The following RAP1GAP2 variants were observed in gnomAD, a reference collection of about 807,000 sequenced individuals.
The protein encoded by RAP1GAP2 is rap1 GTPase-activating protein 2.
RAP1GAP2 carries 27 observed loss-of-function variants against 95.0 expected under a neutral mutation model. The ratio of observed to expected loss-of-function variants is 0.28; its 90% CI spans 0.21 to 0.39. The LOEUF (loss-of-function observed/expected upper bound fraction) is 0.39, where lower values mean the gene tolerates loss of function less well. Ranked by LOEUF, RAP1GAP2 falls within the 10% of genes least tolerant of loss-of-function variation. The pLI, the probability that RAP1GAP2 is intolerant of heterozygous loss-of-function variation, is 1.00. For missense variants in RAP1GAP2, 771 were observed against 970.0 expected, an observed-to-expected ratio of 0.79 and a Z score of 2.72; for synonymous variants, 373 against 380.9, an observed-to-expected ratio of 0.98 and a Z score of 0.24.
At chr17:2,896,847 G>A (rs1315722422) in intron 2 of RAP1GAP2, among the ~76,000 whole-genome samples, 1 of 152,216 alleles carries the variant, frequency 6.6e-6, no homozygotes, top group Non-Finnish European at 1.5e-5. Context: ...CCCGAGTCTG[G>A]CCCGGGCCTC....
In RAP1GAP2 at chr17:3,004,179, C is replaced by T. The variant is rs1440937310; in HGVS notation, c.1201-1190C>T. ...TGCCTGGTGGGTGGTGGTAGGGAAC[C>T]GGGTTCAGCTGCTGGAGCCCAGCCA... On this transcript the variant is annotated intron_variant, in intron 14 of 24. Coordinates refer to ENST00000254695, the MANE Select transcript of RAP1GAP2 (RefSeq NM_015085.5). The surrounding 1 kb of genome is among the most constrained non-coding windows in gnomAD (Gnocchi z 4.1). Among the ~76,000 whole-genome samples, 1 of 152,172 alleles carries T rather than the reference C, an allele frequency of 6.6e-6. No individual in the cohort carries two copies. The highest frequency in any genetic ancestry group is 1.5e-5 in the Non-Finnish European group (1 of 68,040).
At chr17:3,006,165 T>TA in intron 16 of RAP1GAP2, 124 bp downstream of exon 16, 1 of 825,088 alleles carries the variant, frequency 1.2e-6, no homozygotes, top group Non-Finnish European at 1.9e-6. Flanking sequence ...CTTGCTCTGT[T>TA]ACCCAGGCTG....
chr17:2,851,193 T>G (rs1466262648), intron 2 of RAP1GAP2, among the ~76,000 whole-genome samples: 3 of 152,216 alleles, frequency 2.0e-5, no homozygotes, highest in Admixed American at 6.5e-5. Context: ...AAGCTTTGGC[T>G]GGGCTAACTG....
At chr17:2,762,347 T>C (rs1231931839) in intron 1 of RAP1GAP2, among the ~76,000 whole-genome samples, 1 of 151,768 alleles carries the variant, frequency 6.6e-6, no homozygotes, top group Non-Finnish European at 1.5e-5. Context: ...ATGTTTAAAT[T>C]GTGTTAGTTG....
chr17:2,984,251 G>A (rs933851622), intron 10 of RAP1GAP2, among the ~76,000 whole-genome samples: 3 of 152,168 alleles, frequency 2.0e-5, no homozygotes, highest in Non-Finnish European at 4.4e-5. Context: ...GGGAGGCTGA[G>A]GCAGGAGACT....
At chr17:3,028,252 G>A (rs575654927) in intron 22 of RAP1GAP2, among the ~76,000 whole-genome samples, 90 of 152,280 alleles carry the variant, frequency 5.9e-4, no homozygotes, top group Non-Finnish European at 1.0e-3. Flanking sequence ...TAAAGAATGG[G>A]AATGAGACAA....
chr17:2,811,581 G>GTT (rs887898010), intron 2 of RAP1GAP2, among the ~76,000 whole-genome samples: 1 of 151,918 alleles, frequency 6.6e-6, no homozygotes. Flanking sequence ...GTATTTTTTT[G>GTT]TTTTTTTGTT....
At chr17:2,945,115 T>A (rs1381025685) in intron 3 of RAP1GAP2, among the ~76,000 whole-genome samples, 1 of 152,196 alleles carries the variant, frequency 6.6e-6, no homozygotes, top group Non-Finnish European at 1.5e-5. Flanking sequence ...GACTTCGTGA[T>A]CCACCCGCCT....
In RAP1GAP2 at chr17:3,027,556, C is replaced by T. The variant is rs2151664134; in HGVS notation, c.2107+486C>T. Among the ~76,000 whole-genome samples, 1 of 152,086 alleles carries T rather than the reference C, an allele frequency of 6.6e-6. No homozygotes were observed. The highest frequency in any genetic ancestry group is 1.9e-4 in the East Asian group (1 of 5,186). ...CGGGTATTCCGGAACTGCACGTGTTCATGGCAGCTGGGTTCACAGAGCCAG... is the reference window on the plus strand; with the variant it reads ...CGGGTATTCCGGAACTGCACGTGTTTATGGCAGCTGGGTTCACAGAGCCAG... On this transcript the variant is annotated intron_variant, in intron 22 of 24. Coordinates refer to ENST00000254695, the MANE Select transcript of RAP1GAP2 (RefSeq NM_015085.5). The surrounding 1 kb of genome is among the most constrained non-coding windows in gnomAD (Gnocchi z 5.2).
rs28597721 is a variant in RAP1GAP2 at position 2,968,686 on chromosome 17, C to G, written c.596+3043C>G. ...AATAAAGAAATATGATAGAAGTGTG[C>G]GTACATATGTGATGATAATAAATAT... On this transcript the variant is annotated intron_variant, in intron 8 of 24. Transcript: ENST00000254695. 9.6e-3 allele frequency among the ~76,000 whole-genome samples: 1,466 copies of G among 152,064 alleles called. 27 individuals are homozygous for G. Among genetic ancestry groups the G allele is most frequent in the African/African-American group, 0.033 (1,360 of 41,486 alleles).
intron 12 of RAP1GAP2, among the ~76,000 whole-genome samples, 171 bp downstream of exon 12, chr17:2,991,568 G>C (rs2045752478): frequency 6.7e-6 from 1 of 150,054 alleles, no homozygotes; most frequent in Non-Finnish European, 1.5e-5. Flanking sequence ...GGGGTCCAAG[G>C]AGTGATCCAG....
intron 2 of RAP1GAP2, among the ~76,000 whole-genome samples, chr17:2,815,357 G>T (rs1053890444): frequency 2.0e-5 from 3 of 152,118 alleles, no homozygotes; most frequent in African/African-American, 7.2e-5. Flanking sequence ...GCACGTGGGT[G>T]CGCTTGTTGT....
At position 2,830,487 on chromosome 17, in the gene RAP1GAP2, G is replaced by A. The variant is rs565413692; in HGVS notation, c.80+29937G>A. ...TCCCAGCACTTTGGGAGGCCGAGGCGGGCAGATCACGATGTCAAGAGATCG... is the reference window on the plus strand; with the variant it reads ...TCCCAGCACTTTGGGAGGCCGAGGCAGGCAGATCACGATGTCAAGAGATCG... On this transcript the variant is annotated intron_variant, in intron 2 of 24. Coordinates refer to ENST00000254695, the MANE Select transcript of RAP1GAP2 (RefSeq NM_015085.5). 2.1e-4 allele frequency among the ~76,000 whole-genome samples: 32 copies of A among 152,054 alleles called. 1 individual carries two copies. Among genetic ancestry groups the A allele is most frequent in the African/African-American group, 5.5e-4 (23 of 41,478 alleles).
intron 8 of RAP1GAP2, among the ~76,000 whole-genome samples, chr17:2,968,817 A>G (rs1446166539): frequency 6.6e-6 from 1 of 152,152 alleles, no homozygotes; most frequent in Non-Finnish European, 1.5e-5. Flanking sequence ...AACTCAGAAT[A>G]TTTGAAAATT....
intron 3 of RAP1GAP2, among the ~76,000 whole-genome samples, chr17:2,939,278 C>T (rs931027753): frequency 5.9e-5 from 9 of 152,264 alleles, no homozygotes; most frequent in Middle Eastern, 3.4e-3. Context: ...TTAGTAGAGA[C>T]GGGCTTTCGC....
rs1369560748 is a variant in RAP1GAP2, at chr17:2,926,850, C to G, written c.165+21482C>G. On this transcript the variant is annotated intron_variant, in intron 3 of 24. Transcript: ENST00000254695. Reference sequence around the variant, plus strand: ...TGAAACCCTGTCTCTACTAAAAATACAAAAAATACTACAGGTGTGGTGGTG... The same window carrying G: ...TGAAACCCTGTCTCTACTAAAAATAGAAAAAATACTACAGGTGTGGTGGTG... 2.0e-5 allele frequency among the ~76,000 whole-genome samples: 3 copies of G among 151,574 alleles called. No homozygotes were observed. In the South Asian group the frequency reaches 6.3e-4, roughly 32 times the overall value.
chr17:2,943,818 A>T (rs2043597742), intron 3 of RAP1GAP2, among the ~76,000 whole-genome samples: 1 of 152,068 alleles, frequency 6.6e-6, no homozygotes, highest in Non-Finnish European at 1.5e-5. Flanking sequence ...AACCACAGTG[A>T]TATATCACCT....
intron 16 of RAP1GAP2, among the ~76,000 whole-genome samples, chr17:3,006,645 G>C (rs2046348505): frequency 6.6e-6 from 1 of 151,232 alleles, no homozygotes; most frequent in African/African-American, 2.4e-5. Flanking sequence ...ATGTTAGCCA[G>C]GATGGTCTTG....
chr17:3,032,469 T>C lies in RAP1GAP2; in HGVS notation c.*30+20T>C, dbSNP rs747651917. Reference sequence around the variant, plus strand: ...TCCAAGGTGGGTTGAGTGAATGTCCTGCTGTGGCCGTGAGGGGGGACGTGT... The same window carrying C: ...TCCAAGGTGGGTTGAGTGAATGTCCCGCTGTGGCCGTGAGGGGGGACGTGT... On this transcript the variant is annotated intron_variant, in intron 24 of 24. Transcript: ENST00000254695. The C allele has an allele frequency of 1.9e-5, 31 of 1,609,566 alleles. No homozygotes were observed. Among genetic ancestry groups the C allele is most frequent in the Non-Finnish European group, 2.6e-5 (31 of 1,176,034 alleles).
Sources: gnomAD v4.1 joint callset for allele counts (sites outside exome capture counted in the v4.1 genomes callset) on GRCh38, gnomAD v4.1.1 for gene constraint, Gnocchi (gnomAD v3.1) non-coding constraint, MANE v1.5 for transcripts, NCBI Gene and HGNC (gene_info 2026-07-23, HGNC 2026-07-21) for gene names.